Variants in GSTM5 observed in about 807,000 individuals in gnomAD.
The protein encoded by GSTM5 is GST class-mu 5.
Under a neutral mutation model 29.0 loss-of-function variants are expected in GSTM5, and 24 were observed. That is an observed-to-expected ratio of 0.83 (90% confidence interval 0.60 to 1.16). The LOEUF (loss-of-function observed/expected upper bound fraction) is 1.16. GSTM5 is among the 50% of genes most tolerant of loss of function. The pLI, the probability that GSTM5 is intolerant of heterozygous loss-of-function variation, is 0.00. For synonymous variants in GSTM5, 91 were observed against 93.6 expected, an observed-to-expected ratio of 0.97 and a Z score of 0.16; for missense variants, 290 against 263.0, an observed-to-expected ratio of 1.10 and a Z score of -0.71.
rs1360731264 is a variant in GSTM5 at position 109,713,536 on chromosome 1, T to C, written c.230T>C (p.Leu77Pro). The change falls in exon 4 of 8, where the codon CTG (leucine) becomes CCG (proline). Residue 77 changes from leucine (L) to proline (P), a missense_variant. Physicochemically the swap from Leu to Pro is moderately conservative, Grantham distance 98. Coordinates refer to ENST00000256593, the MANE Select transcript of GSTM5 (RefSeq NM_000851.4). ...AHKITQSNAI[L>P]RYIARKHNLC... ...AAGATCACCCAGAGCAATGCCATCC[T>C]GCGCTACATTGCCCGCAAGCACAAC... 6.2e-7 allele frequency: 1 copy of C among 1,614,234 alleles called. No individual in the cohort carries two copies. The highest frequency in any genetic ancestry group is 2.2e-5 in the East Asian group (1 of 44,872).
intron 2 of GSTM5, 181 bp downstream of exon 2, chr1:109,712,874 C>T (rs1305046973): frequency 1.2e-6 from 1 of 861,038 alleles, no homozygotes; most frequent in East Asian, 2.6e-5. Context: ...GGGCGGGATG[C>T]TGGACACCCT....
chr1:109,712,933 C>T (rs1322439828), intron 2 of GSTM5, 186 bp from the exon 3 acceptor site: 54 of 886,554 alleles, frequency 6.1e-5, no homozygotes, highest in Non-Finnish European at 1.3e-5. Flanking sequence ...CCCTGGAAGC[C>T]TTAGCCGTTG....
intron 7 of GSTM5, 48 bp downstream of exon 7, chr1:109,715,288 C>G (rs1648708172): frequency 2.5e-6 from 4 of 1,614,210 alleles, no homozygotes; most frequent in Non-Finnish European, 3.4e-6. Flanking sequence ...GTTCCTTTCT[C>G]TCCTTTCAGA....
intron 2 of GSTM5, 96 bp downstream of exon 2, chr1:109,712,789 C>T: frequency 7.4e-7 from 1 of 1,355,080 alleles, no homozygotes; most frequent in South Asian, 1.2e-5. Context: ...GCAGGCCTCC[C>T]CTGCTGGAGC....
Position 109,717,510 on chromosome 1 carries a change from C to T in GSTM5, c.*84C>T. 1.1e-6 allele frequency: 1 copy of T among 931,372 alleles called. No individual in the cohort carries two copies. Among genetic ancestry groups the T allele is most frequent in the Non-Finnish European group, 1.8e-6 (1 of 562,540 alleles). 57.7% of individuals were successfully genotyped at this position (931,372 alleles called of 1,614,324 possible). ...AGGACAGCCTGACTCCCTGGACCTG[C>T]CTTCTTCCTTTTTCCTTCTTTCTAC... is the stretch of plus-strand genomic sequence containing the variant. On this transcript the variant is annotated 3_prime_UTR_variant, in exon 8 of 8. Coordinates refer to ENST00000256593, the MANE Select transcript of GSTM5 (RefSeq NM_000851.4).
chr1:109,712,129 G>C, upstream of GSTM5: 1 of 680,982 alleles, frequency 1.5e-6, no homozygotes, highest in Non-Finnish European at 2.7e-6. Flanking sequence ...TGGGAGGCGG[G>C]AGGGGGCTTA....
At chr1:109,712,240 C>G, upstream of GSTM5, 1 of 1,515,534 alleles carries the variant, frequency 6.6e-7, no homozygotes. Context: ...CCCGCCTGTC[C>G]CCTCCTGGGC....
rs1364683600 is a variant in GSTM5 at position 109,715,181 on chromosome 1, T to C, written c.508T>C (p.Phe170Leu). 1.2e-6 allele frequency: 2 copies of C among 1,614,100 alleles called. No homozygotes were observed. Among genetic ancestry groups the C allele is most frequent in the Non-Finnish European group, 1.7e-6 (2 of 1,180,042 alleles). Residue 170 changes from phenylalanine (F) to leucine (L), a missense_variant, in exon 7 of 8, where the codon TTT (phenylalanine) becomes CTT (leucine). Coordinates refer to ENST00000256593, the MANE Select transcript of GSTM5 (RefSeq NM_000851.4). Reference sequence around the variant, plus strand: ...TGATGTCCTTGACATGAAGCGTATATTTGAGCCCAAGTGCTTGGACGCCTT... The same window carrying C: ...TGATGTCCTTGACATGAAGCGTATACTTGAGCCCAAGTGCTTGGACGCCTT... ...AYDVLDMKRI[F>L]EPKCLDAFLN...
intron 5 of GSTM5, 111 bp downstream of exon 5, chr1:109,713,872 C>A: frequency 1.6e-6 from 1 of 612,992 alleles, no homozygotes; most frequent in African/African-American, 1.9e-5. Context: ...TGACTGGAGA[C>A]GTCTATAACC....
Position 109,714,609 on chromosome 1 carries a change from C to T in GSTM5, c.361-338C>T, listed in dbSNP as rs1648679623. ...ACTTTCTACTTCTTTCCCTGAGCTCCTTTAGTTCTTTGCATCCTTGATTCT... is the reference window on the plus strand; with the variant it reads ...ACTTTCTACTTCTTTCCCTGAGCTCTTTTAGTTCTTTGCATCCTTGATTCT... On this transcript the variant is annotated intron_variant, in intron 5 of 7. Coordinates refer to ENST00000256593, the MANE Select transcript of GSTM5 (RefSeq NM_000851.4). The T allele has an allele frequency of 1.4e-5, 5 of 345,692 alleles. No homozygotes were observed. The Admixed American group carries it at 2.2e-4, about 15-fold the overall frequency. The allele number at this position is 345,692 out of a possible 1,614,324, so 21.4% of individuals were successfully genotyped here. A position where few individuals can be genotyped will look rare whatever the true frequency, so the allele number is the denominator to read the frequency against.
At position 109,715,199 on chromosome 1, in the gene GSTM5, G is replaced by A. The variant is rs1332677000; in HGVS notation, c.526G>A (p.Asp176Asn). 3.1e-6 allele frequency: 5 copies of A among 1,614,066 alleles called. No individual in the cohort carries two copies. The African/African-American group carries it at 6.7e-5, about 22-fold the overall frequency. ...MKRIFEPKCL[D>N]AFLNLKDFIS... ...GCGTATATTTGAGCCCAAGTGCTTG[G>A]ACGCCTTCCTAAACTTGAAGGACTT... Residue 176 changes from aspartate (D) to asparagine (N), a missense_variant, in exon 7 of 8, where the codon GAC becomes AAC. By Grantham distance (23) the Asp-to-Asn change is conservative (BLOSUM62 1). Transcript: ENST00000256593.
chr1:109,713,367 T>C, intron 3 of GSTM5, 117 bp from the exon 4 acceptor site: 7 of 1,466,610 alleles, frequency 4.8e-6, no homozygotes, highest in African/African-American at 1.4e-5. Flanking sequence ...TGACAGTATT[T>C]CTATCTCAGG....
intron 5 of GSTM5, 37 bp downstream of exon 5, chr1:109,713,798 C>T: frequency 6.3e-7 from 1 of 1,587,444 alleles, no homozygotes; most frequent in Non-Finnish European, 8.6e-7. Flanking sequence ...ACCCATTTCC[C>T]TGCCTTTTGG....
rs17014553 is a variant in GSTM5, at chr1:109,713,851, C to G, written c.360+90C>G. 3.6e-3 allele frequency: 3,574 copies of G among 991,008 alleles called. 188 individuals carry two copies. In the East Asian group the frequency reaches 0.075, roughly 21 times the overall value. 61.4% of individuals were successfully genotyped at this position (991,008 alleles called of 1,614,324 possible). A position where few individuals can be genotyped will look rare whatever the true frequency, so the allele number is the denominator to read the frequency against. On this transcript the variant is annotated intron_variant, in intron 5 of 7. Transcript: ENST00000256593. ...CTTCCAAAGTCAGGTCTGTAGCAGA[C>G]TCCGGCCAGCTGACTGGAGACGTCT...
rs774094840 is a variant in GSTM5, at chr1:109,713,770, C to T, written c.360+9C>T. On this transcript the variant is annotated intron_variant, in intron 5 of 7. Transcript: ENST00000256593. ...GCTATGACCCAGATTTTGTGAGTCC[C>T]ACACCCCACTCCCAGTCACCCATTT... The T allele has an allele frequency of 1.9e-6, 3 of 1,606,650 alleles. No homozygotes were observed. The highest frequency in any genetic ancestry group is 2.2e-5 in the East Asian group (1 of 44,804).
At chr1:109,717,128 T>TG in intron 7 of GSTM5, 1 of 364,750 alleles carries the variant, frequency 2.7e-6, no homozygotes, top group Non-Finnish European at 5.0e-6. Flanking sequence ...TCGTAAATGG[T>TG]AGCTGTTATT....
chr1:109,717,116 T>TCGGTGGTCGCCGTATCATTAAAAAAG, intron 7 of GSTM5: 10 of 384,466 alleles, frequency 2.6e-5, no homozygotes, highest in South Asian at 3.6e-5. Context: ...AGTGTAGATC[T>TCGGTGGTCGCCGTATCATTAAAAAAG]TTCGTAAATG....
In GSTM5 at chr1:109,713,483, G is replaced by A. The variant is rs1219607309; in HGVS notation, c.178-1G>A. On this transcript the variant is annotated splice_acceptor_variant, in intron 3 of 7. Coordinates refer to ENST00000256593, the MANE Select transcript of GSTM5 (RefSeq NM_000851.4). LOFTEE classifies it high-confidence loss of function. ...GCTTCCCCGGTTTCCCATCTATCCA[G>A]CTGCCCTACTTGATTGATGGGGCTC... 5 of 1,614,104 alleles carry A rather than the reference G, an allele frequency of 3.1e-6. No homozygotes were observed. The highest frequency in any genetic ancestry group is 4.2e-6 in the Non-Finnish European group (5 of 1,180,042).
chr1:109,713,653 G>T lies in GSTM5; in HGVS notation c.260-8G>T, dbSNP rs770941422. On this transcript the variant is annotated splice_region_variant and splice_polypyrimidine_tract_variant and intron_variant, in intron 4 of 7. Transcript: ENST00000256593. Reference sequence around the variant, plus strand: ...GCTGAGATTGAGTCTGTGTTTTGTGGGTGGCAGGTGGGGAGACAGAAGAGG... The same window carrying T: ...GCTGAGATTGAGTCTGTGTTTTGTGTGTGGCAGGTGGGGAGACAGAAGAGG... 2.5e-6 allele frequency: 4 copies of T among 1,614,068 alleles called. No homozygotes were observed. In the East Asian group the frequency reaches 6.7e-5, roughly 27 times the overall value.
Sources: gnomAD v4.1 joint callset for allele counts on GRCh38, gnomAD v4.1.1 for gene constraint, MANE v1.5 for transcripts, NCBI Gene and HGNC (gene_info 2026-07-23, HGNC 2026-07-21) for gene names.